RGS21: variants seen among roughly 807,000 people sequenced by gnomAD.
The protein encoded by RGS21 is regulator of G protein signaling 21.
Under a neutral mutation model 18.7 loss-of-function variants are expected in RGS21, and 19 were observed. The ratio of observed to expected loss-of-function variants is 1.01; its 90% CI spans 0.71 to 1.49. The LOEUF (loss-of-function observed/expected upper bound fraction) is 1.49, where lower values mean the gene tolerates loss of function less well. RGS21 is among the 40% of genes most tolerant of loss of function. The pLI is 0.00. For missense variants in RGS21, 194 were observed against 176.8 expected, an observed-to-expected ratio of 1.10 and a Z score of -0.55; for synonymous variants, 56 against 57.8, an observed-to-expected ratio of 0.97 and a Z score of 0.14.
intron 4 of RGS21, among the ~76,000 whole-genome samples, chr1:192,354,583 G>T (rs757165083): frequency 6.6e-6 from 1 of 151,630 alleles, no homozygotes; most frequent in Non-Finnish European, 1.5e-5. Context: ...AAGACTCGGT[G>T]ACATATTTGA....
intron 4 of RGS21, among the ~76,000 whole-genome samples, chr1:192,357,587 T>C (rs1007754774): frequency 6.6e-6 from 1 of 152,006 alleles, no homozygotes; most frequent in South Asian, 2.1e-4. Context: ...AGAGATAAAA[T>C]GATGAGCCCT....
intron 1 of RGS21, among the ~76,000 whole-genome samples, chr1:192,333,978 A>G (rs756107671): frequency 5.3e-5 from 8 of 152,204 alleles, no homozygotes; most frequent in Non-Finnish European, 1.0e-4. Flanking sequence ...AAAGCTGAAA[A>G]AAGTAAAAAC....
chr1:192,341,008 A>G (rs947776040), intron 1 of RGS21, among the ~76,000 whole-genome samples: 4 of 152,076 alleles, frequency 2.6e-5, no homozygotes, highest in Non-Finnish European at 4.4e-5. Flanking sequence ...GTCCAAAATC[A>G]GTCTCACTGG....
chr1:192,361,428 C>T (rs1038089513), intron 4 of RGS21, among the ~76,000 whole-genome samples: 6 of 152,194 alleles, frequency 3.9e-5, no homozygotes, highest in African/African-American at 9.6e-5. Flanking sequence ...AGCTTAATTC[C>T]ACTTCACGAA....
At chr1:192,326,267 T>C (rs1658567194) in intron 1 of RGS21, among the ~76,000 whole-genome samples, 1 of 152,102 alleles carries the variant, frequency 6.6e-6, no homozygotes, top group African/African-American at 2.4e-5. Flanking sequence ...TAAGCCATTA[T>C]GATATAAACA....
At chr1:192,338,271 C>T (rs1327077509) in intron 1 of RGS21, among the ~76,000 whole-genome samples, 2 of 152,078 alleles carry the variant, frequency 1.3e-5, no homozygotes, top group African/African-American at 2.4e-5. Flanking sequence ...ATAGCAGTAA[C>T]TTGAGGCAAA....
intron 1 of RGS21, among the ~76,000 whole-genome samples, chr1:192,341,248 A>T (rs1052070726): frequency 1.3e-5 from 2 of 152,056 alleles, no homozygotes; most frequent in African/African-American, 4.8e-5. Flanking sequence ...ATCCCCCAGG[A>T]TAATCTAGGA....
At position 192,366,259 on chromosome 1, in the gene RGS21, TACA is replaced by T. The variant is rs1659258970; in HGVS notation, c.*140_*142del. 1.3e-5 allele frequency: 8 copies of T among 627,818 alleles called. No individual in the cohort carries two copies. The highest frequency in any genetic ancestry group is 1.9e-5 in the Non-Finnish European group (7 of 360,730). The allele number at this position is 627,818 out of a possible 1,614,324, so 38.9% of individuals were successfully genotyped here. On this transcript the variant is annotated 3_prime_UTR_variant, in exon 5 of 5. Transcript: ENST00000417209. ...ACCCAAACAGATGAATAACGTTTTA[TACA>T]ACAAGCCTGAATTTCTAACTCAGTT...
Position 192,342,957 on chromosome 1 carries a change from T to G in RGS21, c.-60-20T>G. 1 of 1,377,584 alleles carries G rather than the reference T, an allele frequency of 7.3e-7. No homozygotes were observed. Among genetic ancestry groups the G allele is most frequent in the Non-Finnish European group, 1.0e-6 (1 of 964,748 alleles). 85.3% of individuals were successfully genotyped at this position (1,377,584 alleles called of 1,614,324 possible). A position where few individuals can be genotyped will look rare whatever the true frequency, so the allele number is the denominator to read the frequency against. ...ATTCGCATACTAATTGTAATGTTCC[T>G]GCTGTCACATTACCTTCAGCTTGAA... On this transcript the variant is annotated intron_variant, in intron 1 of 4. Transcript: ENST00000417209.
chr1:192,349,444 A>G (rs1659004176), intron 3 of RGS21, among the ~76,000 whole-genome samples: 1 of 152,192 alleles, frequency 6.6e-6, no homozygotes, highest in Non-Finnish European at 1.5e-5. Flanking sequence ...CATACTTTGC[A>G]TGTACTAAGC....
At chr1:192,339,243 T>C (rs1352829157) in intron 1 of RGS21, among the ~76,000 whole-genome samples, 2 of 152,014 alleles carry the variant, frequency 1.3e-5, no homozygotes, top group Non-Finnish European at 2.9e-5. Flanking sequence ...AAGAACATTG[T>C]TTAGCACTTG....
intron 4 of RGS21, among the ~76,000 whole-genome samples, chr1:192,362,820 A>ATGATTT (rs1659204381): frequency 6.6e-6 from 1 of 152,206 alleles, no homozygotes; most frequent in Non-Finnish European, 1.5e-5. Flanking sequence ...AAATTTAAAC[A>ATGATTT]TGATTTTGAA....
chr1:192,366,116 T>G lies in RGS21; in HGVS notation c.451T>G (p.Phe151Val). 6.3e-7 allele frequency: 1 copy of G among 1,586,726 alleles called. No individual in the cohort carries two copies. The highest frequency in any genetic ancestry group is 8.6e-7 in the Non-Finnish European group (1 of 1,165,184). The change falls in exon 5 of 5, where the codon TTT (phenylalanine) becomes GTT (valine). Residue 151 changes from phenylalanine (F) to valine (V), a missense_variant. Coordinates refer to ENST00000417209, the MANE Select transcript of RGS21 (RefSeq NM_001039152.3). ...TCCAAATCATAAAAAATGGCTCCCT[T>G]TTTTGTGAGGAAGGTAAAAGTTAAC... ...QVPNHKKWLPFL is the reference protein window; with the variant it reads ...QVPNHKKWLPVL
chr1:192,354,875 A>T (rs1659090438), intron 4 of RGS21, among the ~76,000 whole-genome samples: 1 of 151,710 alleles, frequency 6.6e-6, no homozygotes, highest in Non-Finnish European at 1.5e-5. Context: ...TGCTGATGCA[A>T]TTGGACAATT....
chr1:192,338,344 A>G (rs1658802876), intron 1 of RGS21, among the ~76,000 whole-genome samples: 1 of 152,182 alleles, frequency 6.6e-6, no homozygotes. Context: ...TTAACTTTCA[A>G]ATTATTTAGT....
At chr1:192,342,881 C>G in intron 1 of RGS21, 96 bp from the exon 2 acceptor site, 1 of 632,470 alleles carries the variant, frequency 1.6e-6, no homozygotes, top group Non-Finnish European at 2.8e-6. Context: ...AATAAAAAAG[C>G]TGAGAATAGC....
chr1:192,331,777 A>AT (rs1485018750), intron 1 of RGS21, among the ~76,000 whole-genome samples: 1 of 151,976 alleles, frequency 6.6e-6, no homozygotes, highest in Admixed American at 6.6e-5. Context: ...TACTTTAAAT[A>AT]TTTTTTTAAA....
intron 1 of RGS21, among the ~76,000 whole-genome samples, chr1:192,319,554 A>G (rs546985246): frequency 1.3e-5 from 2 of 152,114 alleles, no homozygotes; most frequent in Non-Finnish European, 2.9e-5. Flanking sequence ...CATATTTTTT[A>G]AAAATAATAC....
At chr1:192,333,081 G>A (rs960375676) in intron 1 of RGS21, among the ~76,000 whole-genome samples, 3 of 151,916 alleles carry the variant, frequency 2.0e-5, no homozygotes, top group East Asian at 3.9e-4. Context: ...TCAACATCAC[G>A]AGCTGTTAGG....
Sources: gnomAD v4.1 joint callset for allele counts (sites outside exome capture counted in the v4.1 genomes callset) on GRCh38, gnomAD v4.1.1 for gene constraint, MANE v1.5 for transcripts, NCBI Gene and HGNC (gene_info 2026-07-23, HGNC 2026-07-21) for gene names.